Variants in PLCXD3 observed in about 807,000 individuals in gnomAD.
The protein encoded by PLCXD3 is PI-PLC X domain-containing protein 3.
Under a neutral mutation model 25.5 loss-of-function variants are expected in PLCXD3, and 19 were observed. The ratio of observed to expected loss-of-function variants is 0.75; its 90% CI spans 0.52 to 1.09. The LOEUF (loss-of-function observed/expected upper bound fraction) is 1.09. Among genes scored for constraint, PLCXD3 ranks in the 50% least tolerant of loss-of-function variants. The pLI, the probability that PLCXD3 is intolerant of heterozygous loss-of-function variation, is 0.00. For synonymous variants in PLCXD3, 174 were observed against 137.6 expected (o/e 1.26, Z -1.85); for missense variants, 411 against 388.1 (o/e 1.06, Z -0.50).
rs764940360 is a variant in PLCXD3 at position 41,381,812 on chromosome 5, T to C, written c.812+14A>G. The stretch of plus-strand genomic sequence containing the variant: ...TTATTTGAGGTTTCCCCCTGACATT[T>C]TAAAGACACTTACCTTTCTGTGATT... On this transcript the variant is annotated intron_variant, in intron 2 of 2. Coordinates refer to ENST00000377801, the MANE Select transcript of PLCXD3 (RefSeq NM_001005473.3). 74 of 1,580,642 alleles carry C rather than the reference T, an allele frequency of 4.7e-5. No individual in the cohort carries two copies. Among genetic ancestry groups the C allele is most frequent in the African/African-American group, 6.8e-5 (5 of 73,144 alleles).
At chr5:41,336,091 TA>T (rs1743971495) in intron 2 of PLCXD3, among the ~76,000 whole-genome samples, 3 of 152,184 alleles carry the variant, frequency 2.0e-5, no homozygotes, top group African/African-American at 7.2e-5. Flanking sequence ...GACAGAGTCA[TA>T]TTTGAGTTAT....
intron 2 of PLCXD3, among the ~76,000 whole-genome samples, chr5:41,369,225 G>A (rs1307387145): frequency 2.0e-5 from 3 of 152,112 alleles, no homozygotes; most frequent in South Asian, 2.1e-4. Flanking sequence ...GTGAAAGTGA[G>A]ACAAGAAAAA....
intron 2 of PLCXD3, among the ~76,000 whole-genome samples, chr5:41,327,849 A>T (rs1375830575): frequency 1.3e-5 from 2 of 152,082 alleles, no homozygotes; most frequent in African/African-American, 4.8e-5. Context: ...TCTATCACCC[A>T]TGCTGCAGTG....
At chr5:41,458,561 G>C (rs1488911478) in intron 1 of PLCXD3, among the ~76,000 whole-genome samples, 1 of 151,948 alleles carries the variant, frequency 6.6e-6, no homozygotes, top group African/African-American at 2.4e-5. Context: ...CCTGTGCCAG[G>C]AACTGTGTTA....
At chr5:41,323,525 A>T (rs1421750252) in intron 2 of PLCXD3, among the ~76,000 whole-genome samples, 1 of 152,082 alleles carries the variant, frequency 6.6e-6, no homozygotes, top group East Asian at 1.9e-4. Flanking sequence ...AAAGAAAAAG[A>T]AAAGAAATAC....
Position 41,510,562 on chromosome 5 carries a change from C to T in PLCXD3, c.-36G>A. The T allele has an allele frequency of 6.4e-7, 1 of 1,562,340 alleles. No individual in the cohort carries two copies. Among genetic ancestry groups the T allele is most frequent in the South Asian group, 1.1e-5 (1 of 88,732 alleles). ...GGCGTGCAGCGCGCTGGTCCCAGCA[C>T]TCCTCGGGCAGGCTGGCAGGCTGCT... On this transcript the variant is annotated 5_prime_UTR_variant, in exon 1 of 3. The change creates a new upstream start codon in the 5' untranslated region. Transcript: ENST00000377801.
intron 2 of PLCXD3, among the ~76,000 whole-genome samples, chr5:41,375,622 T>C (rs1243667789): frequency 6.6e-6 from 1 of 152,130 alleles, no homozygotes; most frequent in East Asian, 1.9e-4. Context: ...CTTAGGGGGT[T>C]CCATGCTAAC....
intron 1 of PLCXD3, among the ~76,000 whole-genome samples, chr5:41,387,484 C>T (rs745333131): frequency 3.9e-5 from 6 of 151,978 alleles, no homozygotes; most frequent in African/African-American, 1.2e-4. Context: ...TAGTGTCATA[C>T]GAGTATTACA....
chr5:41,465,351 G>GTCTT (rs869101151), intron 1 of PLCXD3, among the ~76,000 whole-genome samples: 1 of 7,224 alleles, frequency 1.4e-4, no homozygotes, highest in African/African-American at 6.5e-4. Flanking sequence ...ACTAGTTCTT[G>GTCTT]TCTTTTTTTT....
At chr5:41,351,237 T>G (rs1744451336) in intron 2 of PLCXD3, among the ~76,000 whole-genome samples, 3 of 152,160 alleles carry the variant, frequency 2.0e-5, no homozygotes, top group African/African-American at 7.2e-5. Context: ...CTCTGACATG[T>G]GCTTTCATCA....
At chr5:41,428,952 C>T (rs1372683590) in intron 1 of PLCXD3, among the ~76,000 whole-genome samples, 1 of 152,038 alleles carries the variant, frequency 6.6e-6, no homozygotes, top group Admixed American at 6.5e-5. Context: ...AGATTATTTC[C>T]AGATACTGGA....
At chr5:41,487,169 T>A (rs778553665) in intron 1 of PLCXD3, among the ~76,000 whole-genome samples, 2 of 152,182 alleles carry the variant, frequency 1.3e-5, no homozygotes, top group African/African-American at 4.8e-5. Flanking sequence ...TGGCTAAAAA[T>A]TGTTCCTTGA....
rs141467723 is a variant in PLCXD3, at chr5:41,348,011, A to AT, written c.812+33814dup. Among the ~76,000 whole-genome samples the AT allele has an allele frequency of 4.6e-3, 695 of 152,252 alleles. 3 individuals carry two copies. The highest frequency in any genetic ancestry group is 0.016 in the African/African-American group (656 of 41,542). ...ACTAAGTAAAAATAGTTCAGTGGAG[A>AT]TTTTTTAGAGATGTTCTCTGGCAGC... On this transcript the variant is annotated intron_variant, in intron 2 of 2. Transcript: ENST00000377801.
chr5:41,428,159 T>C (rs1213220486), intron 1 of PLCXD3, among the ~76,000 whole-genome samples: 1 of 152,166 alleles, frequency 6.6e-6, no homozygotes, highest in Non-Finnish European at 1.5e-5. Context: ...TGAAAGCCAG[T>C]TCCTCTGGCA....
chr5:41,330,467 C>G (rs1022362649), intron 2 of PLCXD3, among the ~76,000 whole-genome samples: 3 of 151,978 alleles, frequency 2.0e-5, no homozygotes, highest in Non-Finnish European at 4.4e-5. Flanking sequence ...GCTTACCAAC[C>G]AAAAAGAGTC....
chr5:41,340,704 G>A (rs550342830), intron 2 of PLCXD3, among the ~76,000 whole-genome samples: 13 of 152,288 alleles, frequency 8.5e-5, no homozygotes, highest in South Asian at 6.2e-4. Context: ...TGTTTAGAGG[G>A]ATAGTGCTAT....
In PLCXD3 at chr5:41,403,400, TG is replaced by T. The variant is rs373298484; in HGVS notation, c.104-20867del. Among the ~76,000 whole-genome samples the T allele has an allele frequency of 4.5e-3, 137 of 30,530 alleles. 17 individuals carry two copies. The highest frequency in any genetic ancestry group is 6.0e-3 in the Admixed American group (23 of 3,820). The allele number at this position is 30,530 out of a possible 152,430, so 20.0% of individuals were successfully genotyped here. On this transcript the variant is annotated intron_variant, in intron 1 of 2. Transcript: ENST00000377801. Reference sequence around the variant, plus strand: ...CATTTACCCAGATTGACTTATTTGTTGTTTTTTTTTTTTTTTATTATACTCT... The same window carrying T: ...CATTTACCCAGATTGACTTATTTGTTTTTTTTTTTTTTTTTATTATACTCT...
chr5:41,417,695 A>G lies in PLCXD3; in HGVS notation c.104-35161T>C, dbSNP rs114014960. The stretch of plus-strand genomic sequence containing the variant: ...CCCTGATGATTAGGAGAGTGCTGCC[A>G]TCACAAAGCTGTTAAGCCATGGTAT... On this transcript the variant is annotated intron_variant, in intron 1 of 2. Transcript: ENST00000377801. Among the ~76,000 whole-genome samples the G allele has an allele frequency of 4.5e-3, 681 of 152,336 alleles. 7 individuals are homozygous for G. Among genetic ancestry groups the G allele is most frequent in the African/African-American group, 0.015 (614 of 41,574 alleles).
At chr5:41,429,374 G>A (rs1003678886) in intron 1 of PLCXD3, among the ~76,000 whole-genome samples, 2 of 152,068 alleles carry the variant, frequency 1.3e-5, no homozygotes, top group Non-Finnish European at 2.9e-5. Flanking sequence ...TCTCTGCTAT[G>A]AGGGGAATCA....
Sources: allele counts gnomAD v4.1 joint callset (sites outside exome capture counted in the v4.1 genomes callset), GRCh38; gene constraint gnomAD v4.1.1; transcripts MANE v1.5; gene names NCBI Gene and HGNC (gene_info 2026-07-23, HGNC 2026-07-21).